EFNB2: variants seen among roughly 807,000 people sequenced by gnomAD.
The protein encoded by EFNB2 is ephrin-B2.
Under a neutral mutation model 32.1 loss-of-function variants are expected in EFNB2, and 5 were observed. The ratio of observed to expected loss-of-function variants is 0.16; its 90% CI spans 0.08 to 0.33. EFNB2 has a LOEUF of 0.33. Ranked by LOEUF, EFNB2 falls within the 10% of genes least tolerant of loss-of-function variation. The pLI, the probability that EFNB2 is intolerant of heterozygous loss-of-function variation, is 1.00. For missense variants in EFNB2, 263 were observed against 422.6 expected (o/e 0.62, Z 3.31); for synonymous variants, 168 against 166.5 (o/e 1.01, Z -0.07).
At chr13:106,525,322 A>G (rs114151128) in intron 1 of EFNB2, among the ~76,000 whole-genome samples, 1 of 152,326 alleles carries the variant, frequency 6.6e-6, no homozygotes, top group African/African-American at 2.4e-5. Flanking sequence ...ACTAAACTAC[A>G]GTGGCACTTG....
intron 2 of EFNB2, among the ~76,000 whole-genome samples, chr13:106,507,927 T>C (rs1879010699): frequency 6.6e-6 from 1 of 152,266 alleles, no homozygotes; most frequent in Non-Finnish European, 1.5e-5. Flanking sequence ...GCTTCATTAA[T>C]ACGGTTTTCT....
intron 2 of EFNB2, among the ~76,000 whole-genome samples, chr13:106,507,916 C>T (rs1031709969): frequency 9.2e-5 from 14 of 152,204 alleles, no homozygotes; most frequent in African/African-American, 2.7e-4. Flanking sequence ...AATTGGGAGG[C>T]GCTTCATTAA....
rs1436549077 is a variant in EFNB2 at position 106,534,948 on chromosome 13, T to C, written c.17A>G (p.Asp6Gly). 7 of 1,612,794 alleles carry C rather than the reference T, an allele frequency of 4.3e-6. No homozygotes were observed. Among genetic ancestry groups the C allele is most frequent in the Non-Finnish European group, 5.9e-6 (7 of 1,179,422 alleles). The change falls in exon 1 of 5, where the codon GAC becomes GGC. Residue 6 changes from aspartate to glycine, a missense_variant. By Grantham distance (94) the Asp-to-Gly change is moderately conservative. This residue lies in a region of EFNB2 where 46 missense variants were observed against 56.9 expected (regional missense o/e 0.81). Transcript: ENST00000646441. MAVRR[D>G]SVWKYCWGVL... ...ACCCCAGCAGTACTTCCACACGGAG[T>C]CCCTTCTCACAGCCATGGCGAAGCC...
At chr13:106,502,940 C>T (rs1878831139) in intron 2 of EFNB2, among the ~76,000 whole-genome samples, 1 of 152,138 alleles carries the variant, frequency 6.6e-6, no homozygotes, top group Non-Finnish European at 1.5e-5. Flanking sequence ...AGAAAACATA[C>T]CGTCCAGGCT....
At chr13:106,521,930 G>C (rs571236153) in intron 1 of EFNB2, among the ~76,000 whole-genome samples, 1 of 151,960 alleles carries the variant, frequency 6.6e-6, no homozygotes, top group African/African-American at 2.4e-5. Context: ...TTAAGTGTGT[G>C]ATCCCCAAAT....
At chr13:106,521,946 T>A (rs1411062564) in intron 1 of EFNB2, among the ~76,000 whole-genome samples, 1 of 152,070 alleles carries the variant, frequency 6.6e-6, no homozygotes, top group Non-Finnish European at 1.5e-5. Flanking sequence ...CAAATATCAT[T>A]GTTGTCTTTT....
intron 1 of EFNB2, among the ~76,000 whole-genome samples, chr13:106,522,314 T>C (rs1410494868): frequency 6.6e-6 from 1 of 152,224 alleles, no homozygotes; most frequent in Non-Finnish European, 1.5e-5. Flanking sequence ...TGTGTGCACC[T>C]GTACGGTCTT....
chr13:106,512,397 G>T, intron 2 of EFNB2, 132 bp downstream of exon 2: 1 of 591,300 alleles, frequency 1.7e-6, no homozygotes, highest in Non-Finnish European at 2.4e-6. Flanking sequence ...AAAAAAGGGG[G>T]GGGGGACAAT....
rs773798313 is a variant in EFNB2, at chr13:106,495,731, C to T, written c.499+17G>A. 1.6e-5 allele frequency: 26 copies of T among 1,612,170 alleles called. No individual in the cohort carries two copies. Among genetic ancestry groups the T allele is most frequent in the Non-Finnish European group, 1.8e-5 (21 of 1,178,684 alleles). On this transcript the variant is annotated intron_variant, in intron 3 of 4. Coordinates refer to ENST00000646441, the MANE Select transcript of EFNB2 (RefSeq NM_004093.4). The stretch of plus-strand genomic sequence containing the variant: ...ACCAGGTCACAGTGGCGTCATGAAG[C>T]AGCAGATGGTCTTTACCTTGTCCAA...
chr13:106,500,259 C>T (rs998835153), intron 2 of EFNB2, among the ~76,000 whole-genome samples: 6 of 152,126 alleles, frequency 3.9e-5, no homozygotes, highest in African/African-American at 7.2e-5. Context: ...GTGTTTAGTC[C>T]ACCACATTGC....
intron 1 of EFNB2, among the ~76,000 whole-genome samples, chr13:106,524,613 C>T (rs1368393788): frequency 6.6e-6 from 1 of 152,198 alleles, no homozygotes. Flanking sequence ...AAGCAGTTTT[C>T]TAAATATCAT....
At position 106,535,564 on chromosome 13, in the gene EFNB2, C is replaced by A. The variant is rs868227099; in HGVS notation, c.-600G>T. On this transcript the variant is annotated 5_prime_UTR_variant, in exon 1 of 5. Coordinates refer to ENST00000646441, the MANE Select transcript of EFNB2 (RefSeq NM_004093.4). ...CTCGGTCCCCGCCGCGGGCTCCGGA[C>A]GCGCGCGGGCCTTTGTGTGCGGGGA... 1 of 149,772 alleles carries A rather than the reference C, an allele frequency of 6.7e-6. No individual in the cohort carries two copies. The highest frequency in any genetic ancestry group is 1.5e-5 in the Non-Finnish European group (1 of 67,170). The allele number at this position is 149,772 out of a possible 1,614,324, so 9.3% of individuals were successfully genotyped here. A position where few individuals can be genotyped will look rare whatever the true frequency, so the allele number is the denominator to read the frequency against.
chr13:106,526,147 G>T (rs1287325907), intron 1 of EFNB2, among the ~76,000 whole-genome samples: 1 of 152,158 alleles, frequency 6.6e-6, no homozygotes, highest in Non-Finnish European at 1.5e-5. Context: ...CCCTGCAGGG[G>T]ATTCTGGTGC....
intron 2 of EFNB2, among the ~76,000 whole-genome samples, chr13:106,512,113 A>G (rs1057481287): frequency 1.3e-5 from 2 of 152,130 alleles, no homozygotes; most frequent in African/African-American, 4.8e-5. Context: ...CTAGCCCTTA[A>G]GCACAGTCTC....
intron 1 of EFNB2, chr13:106,516,590 T>C (rs945010362): frequency 2.0e-5 from 3 of 152,198 alleles, no homozygotes; most frequent in African/African-American, 7.2e-5. Context: ...ACTCCAGCAT[T>C]GGGAAACACA....
intron 1 of EFNB2, among the ~76,000 whole-genome samples, chr13:106,532,462 C>A (rs1251599539): frequency 6.6e-6 from 1 of 152,186 alleles, no homozygotes; most frequent in African/African-American, 2.4e-5. Context: ...ATCATATTTA[C>A]CGATTCAAAC....
intron 2 of EFNB2, among the ~76,000 whole-genome samples, chr13:106,502,388 A>T (rs1038508667): frequency 6.6e-6 from 1 of 152,358 alleles, no homozygotes; most frequent in East Asian, 1.9e-4. Flanking sequence ...TTTAATTTCA[A>T]ATATTCATGA....
At chr13:106,511,510 C>T (rs1879141098) in intron 2 of EFNB2, among the ~76,000 whole-genome samples, 1 of 152,084 alleles carries the variant, frequency 6.6e-6, no homozygotes, top group Admixed American at 6.6e-5. Context: ...TAAAGTGCGG[C>T]TCATAGGTTG....
At chr13:106,503,442 T>A (rs1490587496) in intron 2 of EFNB2, among the ~76,000 whole-genome samples, 1 of 152,186 alleles carries the variant, frequency 6.6e-6, no homozygotes, top group East Asian at 1.9e-4. Context: ...TGTCCTGAGC[T>A]AGGGAATCCG....
Sources: gnomAD v4.1 joint callset for allele counts (sites outside exome capture counted in the v4.1 genomes callset) on GRCh38, gnomAD v4.1.1 for gene constraint, gnomAD v4.1.1 regional missense constraint, MANE v1.5 for transcripts, NCBI Gene and HGNC (gene_info 2026-07-23, HGNC 2026-07-21) for gene names.